PDE1C: variants seen among roughly 807,000 people sequenced by gnomAD.
PDE1C encodes the protein phosphodiesterase 1C, also known as dual specificity calcium/calmodulin-dependent 3',5'-cyclic nucleotide phosphodiesterase 1C.
PDE1C carries 62 observed loss-of-function variants against 93.1 expected under a neutral mutation model. The observed-to-expected ratio is 0.67, with a 90% CI of 0.54 to 0.82. PDE1C has a LOEUF of 0.82. Ranked by LOEUF, PDE1C falls within the 40% of genes least tolerant of loss-of-function variation. The pLI, the probability that PDE1C is intolerant of heterozygous loss-of-function variation, is 0.00. For synonymous variants in PDE1C, 325 were observed against 310.1 expected, an observed-to-expected ratio of 1.05 and a Z score of -0.50; for missense variants, 742 against 884.6, an observed-to-expected ratio of 0.84 and a Z score of 2.04.
intron 2 of PDE1C, among the ~76,000 whole-genome samples, chr7:32,024,983 T>G (rs1188325789): frequency 6.6e-6 from 1 of 152,048 alleles, no homozygotes; most frequent in Non-Finnish European, 1.5e-5. Flanking sequence ...GGGTATCTAC[T>G]CGGGGGGCTT....
intron 1 of PDE1C, among the ~76,000 whole-genome samples, chr7:32,280,943 C>T (rs1350356996): frequency 1.3e-5 from 2 of 152,084 alleles, no homozygotes; most frequent in Non-Finnish European, 2.9e-5. Flanking sequence ...TATGATCATG[C>T]CACCACACTT....
intron 1 of PDE1C, among the ~76,000 whole-genome samples, chr7:32,409,362 G>GA (rs1785119676): frequency 6.6e-6 from 1 of 151,696 alleles, no homozygotes; most frequent in Non-Finnish European, 1.5e-5. Context: ...CCCTGTCTCA[G>GA]AAAAAAGAAA....
At chr7:31,645,705 C>G in the PDE1C span, among the ~76,000 whole-genome samples, 1 of 152,144 alleles carries the variant, frequency 6.6e-6, no homozygotes, top group African/African-American at 2.4e-5. Context: ...CACCCCTGAA[C>G]TCCCAGATGA....
At chr7:31,655,643 A>C in the PDE1C span, 1 of 670,360 alleles carries the variant, frequency 1.5e-6, no homozygotes, top group East Asian at 1.4e-4. Flanking sequence ...CTCCCACTGC[A>C]TCATCCCTTT....
intron 2 of PDE1C, among the ~76,000 whole-genome samples, chr7:32,193,984 C>T (rs988892152): frequency 2.7e-5 from 4 of 149,364 alleles, no homozygotes; most frequent in African/African-American, 9.8e-5. Flanking sequence ...GCACAATCTC[C>T]GCTCACTCCA....
chr7:32,287,936 C>T (rs891608886), intron 1 of PDE1C, among the ~76,000 whole-genome samples: 1 of 152,220 alleles, frequency 6.6e-6, no homozygotes, highest in Admixed American at 6.5e-5. Context: ...GGCGCAGTGC[C>T]TCACACCTGT....
chr7:32,325,257 C>T (rs1228964917), intron 1 of PDE1C, among the ~76,000 whole-genome samples: 1 of 152,260 alleles, frequency 6.6e-6, no homozygotes, highest in Non-Finnish European at 1.5e-5. Flanking sequence ...CAACTCCCAA[C>T]ATGGCCACTG....
chr7:31,726,496 T>C, the PDE1C span, among the ~76,000 whole-genome samples: 3 of 152,176 alleles, frequency 2.0e-5, no homozygotes, highest in African/African-American at 7.2e-5. Flanking sequence ...GGCATTCTCC[T>C]GCTGAACAGG....
At chr7:31,823,477 A>G (rs1262940766) in intron 13 of PDE1C, among the ~76,000 whole-genome samples, 1 of 152,074 alleles carries the variant, frequency 6.6e-6, no homozygotes, top group Non-Finnish European at 1.5e-5. Context: ...TATATTCTTC[A>G]TATTTCTTCT....
At chr7:32,029,080 G>A (rs947493023) in intron 2 of PDE1C, among the ~76,000 whole-genome samples, 1 of 151,968 alleles carries the variant, frequency 6.6e-6, no homozygotes, top group African/African-American at 2.4e-5. Context: ...AATGGGCAAG[G>A]GACCTAAATA....
At chr7:32,167,031 CA>C (rs1226129447) in intron 3 of PDE1C, among the ~76,000 whole-genome samples, 1 of 152,020 alleles carries the variant, frequency 6.6e-6, no homozygotes, top group Non-Finnish European at 1.5e-5. Flanking sequence ...TTAAGCCTGG[CA>C]AATAAGAACG....
At chr7:31,987,611 T>C (rs568073951) in intron 2 of PDE1C, among the ~76,000 whole-genome samples, 1 of 152,366 alleles carries the variant, frequency 6.6e-6, no homozygotes, top group East Asian at 1.9e-4. Context: ...GCCAGGGTCT[T>C]GGATAATAAA....
At chr7:32,424,929 A>G (rs1785499168) in intron 1 of PDE1C, among the ~76,000 whole-genome samples, 1 of 152,212 alleles carries the variant, frequency 6.6e-6, no homozygotes, top group Non-Finnish European at 1.5e-5. Context: ...TAAGAACACA[A>G]GTTTTAGAAC....
At chr7:31,780,782 CGT>C (rs202140101) in intron 16 of PDE1C, among the ~76,000 whole-genome samples, 3,737 of 146,372 alleles carry the variant, frequency 0.026, 70 homozygotes, top group Middle Eastern at 0.039. Context: ...TGTGCGCATG[CGT>C]GTGTGTGCAC....
intron 3 of PDE1C, among the ~76,000 whole-genome samples, chr7:32,135,648 T>C (rs1800163774): frequency 1.3e-5 from 2 of 152,306 alleles, no homozygotes; most frequent in Non-Finnish European, 1.5e-5. Flanking sequence ...AGGAAACTCT[T>C]GTATATTGTT....
At chr7:32,411,822 C>T (rs1163448876) in intron 1 of PDE1C, among the ~76,000 whole-genome samples, 1 of 145,204 alleles carries the variant, frequency 6.9e-6, no homozygotes, top group South Asian at 2.2e-4. Context: ...TATTGTACAG[C>T]TGTGCAAAAA....
chr7:31,713,588 A>G, the PDE1C span, among the ~76,000 whole-genome samples: 1 of 152,094 alleles, frequency 6.6e-6, no homozygotes, highest in Non-Finnish European at 1.5e-5. Flanking sequence ...CCAACCCCAC[A>G]TTTCCCTTGT....
At chr7:31,686,459 G>A in the PDE1C span, among the ~76,000 whole-genome samples, 1 of 152,130 alleles carries the variant, frequency 6.6e-6, no homozygotes, top group South Asian at 2.1e-4. Flanking sequence ...ATTTTTTCTG[G>A]CCTGCACACT....
intron 2 of PDE1C, among the ~76,000 whole-genome samples, chr7:31,930,370 A>G (rs745484069): frequency 6.6e-6 from 1 of 152,188 alleles, no homozygotes; most frequent in Non-Finnish European, 1.5e-5. Flanking sequence ...AACTATTCCA[A>G]ACAATAGAAA....
Sources: gnomAD v4.1 joint callset for allele counts (sites outside exome capture counted in the v4.1 genomes callset) on GRCh38, gnomAD v4.1.1 for gene constraint, MANE v1.5 for transcripts, NCBI Gene and HGNC (gene_info 2026-07-23, HGNC 2026-07-21) for gene names.